PBRM1: variants seen among roughly 807,000 people sequenced by gnomAD.
PBRM1 encodes the protein protein polybromo-1.
PBRM1 carries 27 observed loss-of-function variants against 194.5 expected under a neutral mutation model. That is an observed-to-expected ratio of 0.14 (90% confidence interval 0.10 to 0.19). PBRM1 has a LOEUF of 0.19. PBRM1 is among the 10% of genes least tolerant of loss of function. The pLI is 1.00. For missense variants in PBRM1, 1,466 were observed against 2,077.2 expected, an observed-to-expected ratio of 0.71 and a Z score of 5.72; for synonymous variants, 655 against 693.2, an observed-to-expected ratio of 0.94 and a Z score of 0.87.
intron 9 of PBRM1, 69 bp downstream of exon 10, chr3:52,643,179 G>T: frequency 9.4e-7 from 1 of 1,065,920 alleles, no homozygotes; most frequent in Non-Finnish European, 1.5e-6. Flanking sequence ...GATAGCCATT[G>T]GGCAAATACT....
Position 52,614,656 on chromosome 3 carries a change from C to T in PBRM1, c.1924+695G>A, listed in dbSNP as rs1430533158. ...TGTGATCTTGGCTCACTGCAACCTC[C>T]GCCTCCCAGGTTCAAGCAATTCTCC... On this transcript the variant is annotated intron_variant, in intron 15 of 29. Coordinates refer to ENST00000296302, the Ensembl canonical transcript of PBRM1. Among the ~76,000 whole-genome samples, 3 of 151,522 alleles carry T rather than the reference C, an allele frequency of 2.0e-5. No individual in the cohort carries two copies. In the East Asian group the frequency reaches 5.9e-4, roughly 30 times the overall value.
At chr3:52,620,072 A>C (rs1248464566) in intron 13 of PBRM1, among the ~76,000 whole-genome samples, 1 of 152,208 alleles carries the variant, frequency 6.6e-6, no homozygotes, top group Non-Finnish European at 1.5e-5. Flanking sequence ...ACCTAGTGGA[A>C]ACTCCTTCTC....
chr3:52,613,260 G>C (rs1576734990), intron 15 of PBRM1, among the ~76,000 whole-genome samples: 1 of 152,070 alleles, frequency 6.6e-6, no homozygotes, highest in East Asian at 1.9e-4. Context: ...GAAGAAAAAG[G>C]GGATAGGAAA....
intron 3 of PBRM1, among the ~76,000 whole-genome samples, chr3:52,664,932 A>G (rs1216881888): frequency 6.6e-6 from 1 of 152,186 alleles, no homozygotes; most frequent in Non-Finnish European, 1.5e-5. Context: ...TTTATGAAGC[A>G]TTACTACTCG....
intron 29 of PBRM1, among the ~76,000 whole-genome samples, chr3:52,549,193 T>C (rs2153345457): frequency 6.6e-6 from 1 of 152,182 alleles, no homozygotes; most frequent in Non-Finnish European, 1.5e-5. Context: ...CTAATTTTTG[T>C]ATTTTTAGTA....
intron 10 of PBRM1, among the ~76,000 whole-genome samples, chr3:52,639,408 T>C (rs1291297790): frequency 6.6e-6 from 1 of 152,194 alleles, no homozygotes; most frequent in African/African-American, 2.4e-5. Context: ...TTGATTTTAT[T>C]GATCTTTCCT....
chr3:52,663,496 A>C (rs1398261059), intron 3 of PBRM1, among the ~76,000 whole-genome samples: 1 of 152,260 alleles, frequency 6.6e-6, no homozygotes, highest in Non-Finnish European at 1.5e-5. Context: ...TAACAAAGAC[A>C]GGCCAGTCAT....
At chr3:52,655,551 A>C (rs775435284) in intron 5 of PBRM1, among the ~76,000 whole-genome samples, 1 of 152,120 alleles carries the variant, frequency 6.6e-6, no homozygotes, top group Non-Finnish European at 1.5e-5. Flanking sequence ...TCTCTTCAAT[A>C]CCCTGCTTTC....
At chr3:52,547,651 T>G, downstream of PBRM1, 1 of 233,518 alleles carries the variant, frequency 4.3e-6, no homozygotes, top group Non-Finnish European at 8.4e-6. Context: ...TAAACTCTTG[T>G]GTGTGTGTGT....
chr3:52,610,174 G>A (rs1047265284), intron 15 of PBRM1, among the ~76,000 whole-genome samples: 2 of 152,142 alleles, frequency 1.3e-5, no homozygotes, highest in African/African-American at 4.8e-5. Flanking sequence ...GTAAGGTTGA[G>A]AAAGCTGTGA....
chr3:52,629,542 G>A (rs2095551486), intron 11 of PBRM1, among the ~76,000 whole-genome samples: 1 of 152,130 alleles, frequency 6.6e-6, no homozygotes, highest in Admixed American at 6.6e-5. Flanking sequence ...GTCTTATGAT[G>A]GTAAAAGAGA....
chr3:52,678,037 T>A (rs998403452), intron 2 of PBRM1, among the ~76,000 whole-genome samples: 1 of 151,464 alleles, frequency 6.6e-6, no homozygotes, highest in Non-Finnish European at 1.5e-5. Context: ...CCTGGCTAAT[T>A]TTTCAAAAAA....
intron 17 of PBRM1, among the ~76,000 whole-genome samples, chr3:52,597,554 C>A (rs1477336756): frequency 2.0e-5 from 3 of 152,064 alleles, no homozygotes; most frequent in Non-Finnish European, 4.4e-5. Flanking sequence ...CTCAAAGGGA[C>A]AGAGAGACTA....
chr3:52,656,179 A>C (rs1432193511), intron 5 of PBRM1, among the ~76,000 whole-genome samples: 1 of 152,182 alleles, frequency 6.6e-6, no homozygotes, highest in East Asian at 1.9e-4. Context: ...TAAAGGCATA[A>C]AGAATTCTGA....
At chr3:52,597,577 G>GT (rs141638571) in intron 17 of PBRM1, among the ~76,000 whole-genome samples, 1,817 of 151,338 alleles carry the variant, frequency 0.012, 36 homozygotes, top group African/African-American at 0.042. Context: ...ATTTTTTTTT[G>GT]TTTTTTTACA....
At chr3:52,586,748 C>CAAAAAAAAAAAAAA (rs35352950) in intron 19 of PBRM1, 60 bp from the exon 22 acceptor site, 39 of 183,844 alleles carry the variant, frequency 2.1e-4, no homozygotes, top group Non-Finnish European at 2.2e-4. Flanking sequence ...GAAAATCAAT[C>CAAAAAAAAAAAAAA]AAAAAAAAAA....
downstream of PBRM1, chr3:52,546,191 T>C (rs1377034383): frequency 4.3e-6 from 1 of 232,278 alleles, no homozygotes; most frequent in Admixed American, 5.6e-5. Context: ...ATAAAATGAA[T>C]GCATGAAATA....
chr3:52,592,849 G>C (rs1391582792), intron 17 of PBRM1, among the ~76,000 whole-genome samples: 1 of 152,178 alleles, frequency 6.6e-6, no homozygotes, highest in Admixed American at 6.5e-5. Flanking sequence ...TTATTGGTCT[G>C]TTCAGGGATT....
intron 16 of PBRM1, among the ~76,000 whole-genome samples, chr3:52,604,177 T>G (rs906283335): frequency 2.0e-5 from 3 of 152,236 alleles, no homozygotes; most frequent in African/African-American, 7.2e-5. Context: ...TTCTTCCTTT[T>G]GGTCCTACAT....
Sources: allele counts gnomAD v4.1 joint callset (sites outside exome capture counted in the v4.1 genomes callset), GRCh38; gene constraint gnomAD v4.1.1; transcripts MANE v1.5; gene names NCBI Gene and HGNC (gene_info 2026-07-23, HGNC 2026-07-21).